Variants in OXR1 observed in about 807,000 individuals in gnomAD.
OXR1 encodes oxidation resistance protein 1.
In OXR1, 41 loss-of-function variants were observed where a neutral mutation model predicts 104.6. That is an observed-to-expected ratio of 0.39 (90% CI 0.31 to 0.51). The LOEUF (loss-of-function observed/expected upper bound fraction) is 0.51, where lower values mean the gene tolerates loss of function less well. OXR1 is among the 20% of genes least tolerant of loss of function. OXR1 has a pLI of 0.77. For missense variants in OXR1, 955 were observed against 1,031.9 expected (o/e 0.93, Z 1.02); for synonymous variants, 348 against 348.4 (o/e 1.00, Z 0.01).
At chr8:106,405,363 C>G (rs1818194692) in intron 2 of OXR1, among the ~76,000 whole-genome samples, 1 of 151,618 alleles carries the variant, frequency 6.6e-6, no homozygotes, top group African/African-American at 2.4e-5. Flanking sequence ...GGTATAGATT[C>G]CAGTCCAAGT....
At chr8:106,679,626 A>G (rs997426748) in intron 4 of OXR1, among the ~76,000 whole-genome samples, 1 of 152,070 alleles carries the variant, frequency 6.6e-6, no homozygotes, top group Non-Finnish European at 1.5e-5. Context: ...TATTCGCAGC[A>G]GTGCTAGTGA....
chr8:106,691,600 C>T (rs1165698812), intron 6 of OXR1, among the ~76,000 whole-genome samples: 1 of 141,006 alleles, frequency 7.1e-6, no homozygotes, highest in African/African-American at 2.6e-5. Context: ...AAGCATATGA[C>T]AATGTGCACA....
chr8:106,700,747 A>G (rs1057480456), intron 7 of OXR1, among the ~76,000 whole-genome samples: 1 of 152,196 alleles, frequency 6.6e-6, no homozygotes, highest in African/African-American at 2.4e-5. Context: ...TCTTTGTGAA[A>G]ATCTTCCTAA....
At chr8:106,599,784 A>G (rs2130745209) in intron 3 of OXR1, among the ~76,000 whole-genome samples, 1 of 152,076 alleles carries the variant, frequency 6.6e-6, no homozygotes, top group South Asian at 2.1e-4. Flanking sequence ...GCAGTCCCCA[A>G]CCTTTTCGGT....
intron 3 of OXR1, among the ~76,000 whole-genome samples, chr8:106,591,444 T>TA (rs1819085778): frequency 1.3e-5 from 1 of 77,076 alleles, no homozygotes; most frequent in Non-Finnish European, 2.4e-5. Context: ...TAAAGTATAA[T>TA]TAAAAAAAAA....
At chr8:106,721,136 T>C (rs1832787959) in intron 11 of OXR1, among the ~76,000 whole-genome samples, 1 of 151,948 alleles carries the variant, frequency 6.6e-6, no homozygotes, top group African/African-American at 2.4e-5. Context: ...GTCTTGCTGC[T>C]TGACCACACA....
At chr8:106,396,074 AATACATAC>A (rs77731302) in intron 2 of OXR1, among the ~76,000 whole-genome samples, 4 of 151,688 alleles carry the variant, frequency 2.6e-5, no homozygotes, top group Non-Finnish European at 4.4e-5. Context: ...TACTTATATA[AATACATAC>A]ATACATACAT....
chr8:106,471,634 G>A (rs1821498140), intron 2 of OXR1, among the ~76,000 whole-genome samples: 1 of 151,802 alleles, frequency 6.6e-6, no homozygotes, highest in African/African-American at 2.4e-5. Flanking sequence ...TTGTTCCCAT[G>A]TTCAAGGATC....
At chr8:106,617,688 G>A (rs1459567213) in intron 3 of OXR1, among the ~76,000 whole-genome samples, 2 of 152,172 alleles carry the variant, frequency 1.3e-5, no homozygotes, top group African/African-American at 4.8e-5. Flanking sequence ...TAAAGGTACA[G>A]AACACCAGCC....
chr8:106,728,941 T>C (rs1833607142), intron 11 of OXR1, among the ~76,000 whole-genome samples: 1 of 152,182 alleles, frequency 6.6e-6, no homozygotes, highest in South Asian at 2.1e-4. Flanking sequence ...TAGGCTTTCA[T>C]ATATGAAAAC....
At chr8:106,701,378 T>C (rs1214909377) in intron 7 of OXR1, among the ~76,000 whole-genome samples, 1 of 152,202 alleles carries the variant, frequency 6.6e-6, no homozygotes, top group African/African-American at 2.4e-5. Flanking sequence ...GATTTACTTT[T>C]TATTTTATCA....
In OXR1 at chr8:106,581,152, C is replaced by T. The variant is rs955927172; in HGVS notation, c.220+62013C>T. 3.9e-6 allele frequency: 5 copies of T among 1,269,580 alleles called. No homozygotes were observed. In the South Asian group the frequency reaches 6.6e-5, roughly 17 times the overall value. 78.6% of individuals were successfully genotyped at this position (1,269,580 alleles called of 1,614,324 possible). Reference sequence around the variant, plus strand: ...ATTTAGAATTTTGGATGGAAATAATCCGGTGAAATAGCAAGAACATTTGAA... The same window carrying T: ...ATTTAGAATTTTGGATGGAAATAATTCGGTGAAATAGCAAGAACATTTGAA... On this transcript the variant is annotated intron_variant, in intron 3 of 16. Transcript: ENST00000517566.
intron 2 of OXR1, among the ~76,000 whole-genome samples, chr8:106,459,839 A>G (rs1820808468): frequency 6.6e-6 from 1 of 152,144 alleles, no homozygotes; most frequent in Non-Finnish European, 1.5e-5. Flanking sequence ...CACTCCTTAT[A>G]CTAAAGGCTG....
At chr8:106,358,818 GGAATAATTTAATTCACTAAATAATTTAGT>G (rs1563735401) in intron 1 of OXR1, among the ~76,000 whole-genome samples, 136 of 146,982 alleles carry the variant, frequency 9.3e-4, no homozygotes, top group Non-Finnish European at 1.4e-3. Flanking sequence ...ATTATTTAGT[GGAATAATTTAATTCACTAAATAATTTAGT>G]GAATAATTTA....
At chr8:106,290,298 A>C (rs902722120) in intron 1 of OXR1, among the ~76,000 whole-genome samples, 15 of 152,198 alleles carry the variant, frequency 9.9e-5, no homozygotes, top group South Asian at 2.1e-4. Flanking sequence ...TACGATAATT[A>C]ACTCAAGTTG....
intron 11 of OXR1, among the ~76,000 whole-genome samples, chr8:106,732,473 T>A (rs543955925): frequency 6.6e-6 from 1 of 152,292 alleles, no homozygotes; most frequent in South Asian, 2.1e-4. Flanking sequence ...CCAGTCTTAG[T>A]GTGAAAGGAT....
intron 2 of OXR1, among the ~76,000 whole-genome samples, chr8:106,481,452 A>T: frequency 6.6e-6 from 1 of 152,048 alleles, no homozygotes; most frequent in East Asian, 1.9e-4. Flanking sequence ...CTAAGGCCAT[A>T]TTAAATGGTT....
chr8:106,297,728 T>C (rs1312692394), intron 1 of OXR1, among the ~76,000 whole-genome samples: 1 of 152,216 alleles, frequency 6.6e-6, no homozygotes, highest in African/African-American at 2.4e-5. Flanking sequence ...CCTAGCTGTT[T>C]CCAAATAGTT....
At chr8:106,356,510 C>G (rs1245047783) in intron 1 of OXR1, among the ~76,000 whole-genome samples, 1 of 152,092 alleles carries the variant, frequency 6.6e-6, no homozygotes, top group African/African-American at 2.4e-5. Flanking sequence ...TCATATGACT[C>G]TATCTAAGAT....
Sources: gnomAD v4.1 joint callset for allele counts (sites outside exome capture counted in the v4.1 genomes callset) on GRCh38, gnomAD v4.1.1 for gene constraint, MANE v1.5 for transcripts, NCBI Gene and HGNC (gene_info 2026-07-23, HGNC 2026-07-21) for gene names.